Variants in STAU2 observed in about 807,000 individuals in gnomAD.
The protein encoded by STAU2 is staufen double-stranded RNA binding protein 2.
A neutral mutation model predicts 65.9 loss-of-function variants in STAU2; 20 were observed. That is an observed-to-expected ratio of 0.30 (90% CI 0.21 to 0.44). The LOEUF is 0.44. Among genes scored for constraint, STAU2 ranks in the 20% least tolerant of loss-of-function variants. STAU2 has a pLI of 1.00. For missense variants in STAU2, 558 were observed against 683.9 expected, an observed-to-expected ratio of 0.82 and a Z score of 2.05; for synonymous variants, 232 against 233.9, an observed-to-expected ratio of 0.99 and a Z score of 0.07.
intron 6 of STAU2, among the ~76,000 whole-genome samples, chr8:73,656,792 T>C (rs1350105802): frequency 6.6e-6 from 1 of 152,170 alleles, no homozygotes; most frequent in Non-Finnish European, 1.5e-5. Flanking sequence ...CTCAAATACA[T>C]TTCAGGCTTA....
intron 13 of STAU2, among the ~76,000 whole-genome samples, chr8:73,491,507 G>A (rs1350706853): frequency 6.6e-6 from 1 of 151,926 alleles, no homozygotes; most frequent in Non-Finnish European, 1.5e-5. Flanking sequence ...ACTTTGCTCT[G>A]GGATTTATTT....
intron 13 of STAU2, among the ~76,000 whole-genome samples, chr8:73,481,740 G>A (rs1820645473): frequency 6.6e-6 from 1 of 152,058 alleles, no homozygotes; most frequent in South Asian, 2.1e-4. Context: ...TTTTAGCTGT[G>A]ATTCTTAAAG....
At chr8:73,430,461 C>G (rs765320094) in intron 13 of STAU2, among the ~76,000 whole-genome samples, 8 of 152,128 alleles carry the variant, frequency 5.3e-5, no homozygotes, top group Non-Finnish European at 1.2e-4. Context: ...TTCATCACCC[C>G]CTATTTTCCC....
At chr8:73,540,656 G>T (rs12675724) in intron 13 of STAU2, among the ~76,000 whole-genome samples, 14,910 of 152,046 alleles carry the variant, frequency 0.098, 1,160 homozygotes, top group East Asian at 0.44. Context: ...CTGACAACAG[G>T]AGAATGAATT....
In STAU2 at chr8:73,595,147, A is replaced by C. The variant is rs779735110; in HGVS notation, c.1161+19T>G. On this transcript the variant is annotated intron_variant, in intron 11 of 14. Coordinates refer to ENST00000524300, the MANE Select transcript of STAU2 (RefSeq NM_001164380.2). Reference sequence around the variant, plus strand: ...ATATTATGACAGATAGGATACATACATGTAAACTTAACTCTTACCTTCTCA... The same window carrying C: ...ATATTATGACAGATAGGATACATACCTGTAAACTTAACTCTTACCTTCTCA... 5 of 1,584,024 alleles carry C rather than the reference A, an allele frequency of 3.2e-6. No individual in the cohort carries two copies. The Admixed American group carries it at 9.2e-5, about 29-fold the overall frequency.
intron 12 of STAU2, among the ~76,000 whole-genome samples, chr8:73,574,782 A>T (rs2128957824): frequency 6.6e-6 from 1 of 152,276 alleles, no homozygotes; most frequent in South Asian, 2.1e-4. Context: ...AGGGAGGGAT[A>T]GCATTAGGAG....
chr8:73,444,407 CAAA>C (rs55722523), intron 13 of STAU2, among the ~76,000 whole-genome samples: 106 of 128,304 alleles, frequency 8.3e-4, no homozygotes, highest in Admixed American at 8.7e-4. Context: ...AAAACTCCAT[CAAA>C]AAAAAAAAAA....
At chr8:73,425,322 A>C (rs780033038) in intron 13 of STAU2, among the ~76,000 whole-genome samples, 4 of 152,240 alleles carry the variant, frequency 2.6e-5, no homozygotes, top group Non-Finnish European at 5.9e-5. Context: ...ACAGACCCAC[A>C]CAGGGAGAAC....
rs554505814 is a variant in STAU2 at position 73,590,282 on chromosome 8, A to T, written c.1161+4884T>A. On this transcript the variant is annotated intron_variant, in intron 11 of 14. Transcript: ENST00000524300. ...GGAAGAAACAAAAAAAATCAATTAG[A>T]TACATCACAACCAAATTGTTGGAAA... is the stretch of plus-strand genomic sequence containing the variant. Among the ~76,000 whole-genome samples, 3 of 152,058 alleles carry T rather than the reference A, an allele frequency of 2.0e-5. No individual in the cohort carries two copies. In the South Asian group the frequency reaches 6.2e-4, roughly 32 times the overall value.
intron 13 of STAU2, among the ~76,000 whole-genome samples, chr8:73,460,341 TGACA>T (rs1360532877): frequency 2.0e-5 from 3 of 152,236 alleles, no homozygotes; most frequent in African/African-American, 4.8e-5. Flanking sequence ...AGACATTATT[TGACA>T]GACAGCACAA....
intron 6 of STAU2, among the ~76,000 whole-genome samples, chr8:73,649,374 C>T (rs1027882444): frequency 5.9e-5 from 9 of 152,214 alleles, no homozygotes; most frequent in Non-Finnish European, 8.8e-5. Flanking sequence ...ACTAACACTG[C>T]TCCCCATTAC....
At chr8:73,651,525 C>A in intron 6 of STAU2, 1 of 821,260 alleles carries the variant, frequency 1.2e-6, no homozygotes, top group African/African-American at 1.7e-5. Context: ...TTCCACTCAC[C>A]GTCTTCTGGC....
intron 13 of STAU2, among the ~76,000 whole-genome samples, chr8:73,486,311 G>T (rs2128913198): frequency 6.6e-6 from 1 of 152,022 alleles, no homozygotes; most frequent in Non-Finnish European, 1.5e-5. Context: ...CTTTAATTTT[G>T]CTATTAGTAT....
At chr8:73,521,203 C>A (rs1405142452) in intron 13 of STAU2, among the ~76,000 whole-genome samples, 2 of 152,098 alleles carry the variant, frequency 1.3e-5, no homozygotes, top group Non-Finnish European at 2.9e-5. Context: ...GAATAACCTA[C>A]AAGCAGAACT....
chr8:73,473,115 A>T (rs1337460223), intron 13 of STAU2, among the ~76,000 whole-genome samples: 2 of 152,210 alleles, frequency 1.3e-5, no homozygotes, highest in African/African-American at 4.8e-5. Flanking sequence ...CATTCTTCAC[A>T]TACTAGTGAA....
chr8:73,668,318 C>A (rs962099016), intron 6 of STAU2, among the ~76,000 whole-genome samples: 1 of 152,142 alleles, frequency 6.6e-6, no homozygotes, highest in African/African-American at 2.4e-5. Context: ...TCCAACTATG[C>A]CTGTACATCT....
At chr8:73,706,099 T>C (rs1478529243) in intron 4 of STAU2, among the ~76,000 whole-genome samples, 2 of 152,012 alleles carry the variant, frequency 1.3e-5, no homozygotes, top group Non-Finnish European at 1.5e-5. Flanking sequence ...TGAATTGCCA[T>C]ATAATTAATG....
At chr8:73,546,476 A>G (rs1444721496) in intron 13 of STAU2, among the ~76,000 whole-genome samples, 4 of 152,216 alleles carry the variant, frequency 2.6e-5, no homozygotes, top group African/African-American at 9.6e-5. Context: ...AGGCAAAAAC[A>G]TACCAGGTAT....
intron 13 of STAU2, among the ~76,000 whole-genome samples, chr8:73,499,550 T>A (rs1821620199): frequency 6.6e-6 from 1 of 151,806 alleles, no homozygotes; most frequent in African/African-American, 2.4e-5. Flanking sequence ...CCTTTGTATT[T>A]GGCAATCAGT....
Sources: allele counts gnomAD v4.1 joint callset (sites outside exome capture counted in the v4.1 genomes callset), GRCh38; gene constraint gnomAD v4.1.1; transcripts MANE v1.5; gene names NCBI Gene and HGNC (gene_info 2026-07-23, HGNC 2026-07-21).